Variants in SYNE2 observed in about 807,000 individuals in gnomAD.
SYNE2 encodes nesprin-2.
A neutral mutation model predicts 856.3 loss-of-function variants in SYNE2; 431 were observed. The observed-to-expected ratio is 0.50, with a 90% confidence interval of 0.47 to 0.55. The LOEUF is 0.55. Ranked by LOEUF, SYNE2 falls within the 20% of genes least tolerant of loss-of-function variation. SYNE2 has a pLI of 0.00. For missense variants in SYNE2, 8,129 were observed against 8,023.2 expected (o/e 1.01, Z -0.50); for synonymous variants, 2,923 against 2,872.3 (o/e 1.02, Z -0.56).
chr14:63,811,122 A>G (rs537996005), intron 1 of SYNE2, among the ~76,000 whole-genome samples: 2 of 152,306 alleles, frequency 1.3e-5, no homozygotes, highest in South Asian at 4.1e-4. Flanking sequence ...GACGTGAGCC[A>G]CCATGCCTGG....
intron 45 of SYNE2, among the ~76,000 whole-genome samples, chr14:64,036,182 T>C (rs2097088430): frequency 6.7e-6 from 1 of 150,218 alleles, no homozygotes; most frequent in African/African-American, 2.5e-5. Context: ...TTCTTTTTCC[T>C]CTTTTTCTTT....
intron 94 of SYNE2, chr14:64,173,930 C>T: frequency 1.4e-6 from 1 of 697,024 alleles, no homozygotes; most frequent in East Asian, 2.7e-5. Context: ...GGTGGCGCAT[C>T]TCTTAAAAAA....
chr14:63,846,195 C>T (rs149566700), intron 1 of SYNE2, among the ~76,000 whole-genome samples: 47 of 151,896 alleles, frequency 3.1e-4, no homozygotes, highest in Non-Finnish European at 6.2e-4. Flanking sequence ...ACCTCAGGCA[C>T]GCACCATTAT....
chr14:63,844,162 C>T (rs1014918890), intron 1 of SYNE2, among the ~76,000 whole-genome samples: 1 of 152,172 alleles, frequency 6.6e-6, no homozygotes, highest in Non-Finnish European at 1.5e-5. Context: ...CCCTAAAAAT[C>T]CTCTGTGCTC....
At chr14:64,139,295 A>G (rs1282853849) in intron 79 of SYNE2, among the ~76,000 whole-genome samples, 2 of 151,906 alleles carry the variant, frequency 1.3e-5, no homozygotes, top group Non-Finnish European at 2.9e-5. Flanking sequence ...TATTTTTAAT[A>G]TAAACAAATT....
At chr14:64,109,819 A>G (rs1196536068) in intron 65 of SYNE2, among the ~76,000 whole-genome samples, 1 of 152,218 alleles carries the variant, frequency 6.6e-6, no homozygotes, top group Non-Finnish European at 1.5e-5. Flanking sequence ...GGGACTTTGC[A>G]GAAACCAGGC....
chr14:63,815,591 G>A (rs1888945389), intron 1 of SYNE2, among the ~76,000 whole-genome samples: 1 of 152,048 alleles, frequency 6.6e-6, no homozygotes, highest in African/African-American at 2.4e-5. Context: ...GACACACCCA[G>A]GATCAATACT....
rs192518108 is a variant in SYNE2, at chr14:64,157,865, A to G, written c.15793-760A>G. Among the ~76,000 whole-genome samples, 184 of 152,324 alleles carry G rather than the reference A, an allele frequency of 1.2e-3. 1 individual carries two copies. Among genetic ancestry groups the G allele is most frequent in the Admixed American group, 0.012 (182 of 15,290 alleles). ...GTGTCTTTTCATATGTTTATTGACCATTATATATGTTCTTTGGGGAAATGT... is the reference window on the plus strand; with the variant it reads ...GTGTCTTTTCATATGTTTATTGACCGTTATATATGTTCTTTGGGGAAATGT... On this transcript the variant is annotated intron_variant, in intron 85 of 115. Transcript: ENST00000555002.
At chr14:64,070,176 T>C (rs929593123) in intron 51 of SYNE2, among the ~76,000 whole-genome samples, 1 of 152,192 alleles carries the variant, frequency 6.6e-6, no homozygotes, top group African/African-American at 2.4e-5. Context: ...TTTACCTTTG[T>C]TGTGTGTCAG....
intron 65 of SYNE2, among the ~76,000 whole-genome samples, chr14:64,109,440 C>T (rs1482219474): frequency 6.6e-6 from 1 of 152,044 alleles, no homozygotes; most frequent in African/African-American, 2.4e-5. Flanking sequence ...GAAACTGAGG[C>T]TCAGAGAAGT....
chr14:64,209,159 G>C, intron 101 of SYNE2: 1 of 830,610 alleles, frequency 1.2e-6, no homozygotes, highest in Non-Finnish European at 1.9e-6. Context: ...TGTGGCTGTG[G>C]ACTGGCCGCT....
At chr14:63,831,355 T>A (rs1334354626) in intron 1 of SYNE2, among the ~76,000 whole-genome samples, 1 of 151,978 alleles carries the variant, frequency 6.6e-6, no homozygotes, top group Non-Finnish European at 1.5e-5. Context: ...AAGGATTTTG[T>A]TTTTTTACTT....
intron 18 of SYNE2, among the ~76,000 whole-genome samples, chr14:63,985,158 C>T (rs544962769): frequency 2.0e-5 from 3 of 151,900 alleles, no homozygotes; most frequent in Admixed American, 1.3e-4. Flanking sequence ...GGTGAAACCC[C>T]GTATTTACTA....
chr14:63,773,211 T>A (rs959042219), intron 1 of SYNE2, among the ~76,000 whole-genome samples: 1 of 152,062 alleles, frequency 6.6e-6, no homozygotes, highest in African/African-American at 2.4e-5. Context: ...CTTAAAAAAA[T>A]TTTTTTTGGA....
At chr14:63,933,592 C>T (rs1381753263) in intron 2 of SYNE2, among the ~76,000 whole-genome samples, 1 of 152,134 alleles carries the variant, frequency 6.6e-6, no homozygotes, top group Admixed American at 6.5e-5. Flanking sequence ...ATTAAGGATA[C>T]TCATATGGGC....
intron 66 of SYNE2, among the ~76,000 whole-genome samples, chr14:64,117,802 C>A (rs2097863136): frequency 6.6e-6 from 1 of 152,152 alleles, no homozygotes; most frequent in Admixed American, 6.5e-5. Flanking sequence ...TAGGTATACT[C>A]AACCTCTACT....
At chr14:64,169,044 C>T in intron 93 of SYNE2, 73 bp downstream of exon 93, 1 of 1,175,392 alleles carries the variant, frequency 8.5e-7, no homozygotes, top group Non-Finnish European at 1.3e-6. Flanking sequence ...AGGCTTTCCA[C>T]CATGTGAACC....
intron 110 of SYNE2, 146 bp from the exon 111 acceptor site, chr14:64,220,291 C>T (rs892025441): frequency 2.0e-5 from 18 of 922,272 alleles, no homozygotes; most frequent in South Asian, 2.9e-5. Flanking sequence ...CTGATGCTTT[C>T]CAGCCAGTCC....
chr14:64,144,043 A>G, intron 83 of SYNE2, 95 bp downstream of exon 83: 2 of 1,430,676 alleles, frequency 1.4e-6, no homozygotes, highest in Non-Finnish European at 2.0e-6. Flanking sequence ...TTGACTGATT[A>G]TTAAGCCTAA....
Sources: allele counts gnomAD v4.1 joint callset (sites outside exome capture counted in the v4.1 genomes callset), GRCh38; gene constraint gnomAD v4.1.1; transcripts MANE v1.5; gene names NCBI Gene and HGNC (gene_info 2026-07-23, HGNC 2026-07-21).